The following AOX1 variants were observed in gnomAD, a reference collection of about 807,000 sequenced individuals.
AOX1 encodes aldehyde oxidase 1.
In AOX1, 153 loss-of-function variants were observed where a neutral mutation model predicts 169.5. The observed-to-expected ratio is 0.90, with a 90% CI of 0.79 to 1.03. AOX1 has a LOEUF of 1.03. AOX1 is among the 50% of genes least tolerant of loss of function. The probability of loss-of-function intolerance (pLI) is 0.00; values close to 1 mark genes in which losing one functional copy is unlikely to be tolerated. For synonymous variants in AOX1, 562 were observed against 581.9 expected, an observed-to-expected ratio of 0.97 and a Z score of 0.49; for missense variants, 1,656 against 1,663.9, an observed-to-expected ratio of 1.00 and a Z score of 0.08.
chr2:200,673,740 C>G (rs2036058721), downstream of AOX1, among the ~76,000 whole-genome samples: 1 of 152,176 alleles, frequency 6.6e-6, no homozygotes. Context: ...AGAACATGTC[C>G]CAAATCCCTA....
chr2:200,612,019 C>T (rs528931767), intron 13 of AOX1, among the ~76,000 whole-genome samples: 1 of 152,202 alleles, frequency 6.6e-6, no homozygotes, highest in East Asian at 1.9e-4. Flanking sequence ...CTCTGCCATT[C>T]TCGCTCTTTC....
chr2:200,653,434 A>T (rs2035620056), intron 26 of AOX1, among the ~76,000 whole-genome samples: 1 of 152,190 alleles, frequency 6.6e-6, no homozygotes, highest in Non-Finnish European at 1.5e-5. Context: ...GGAATTTGTA[A>T]TCTCCACTTG....
rs1233018324 is a variant in AOX1, at chr2:200,662,907, T to C, written c.3481T>C (p.Tyr1161His). The C allele has an allele frequency of 6.2e-7, 1 of 1,613,966 alleles. No individual in the cohort carries two copies. Among genetic ancestry groups the C allele is most frequent in the Non-Finnish European group, 8.5e-7 (1 of 1,179,960 alleles). ...WEKGEGQPFE[Y>H]FVYGAACSEV... is the part of the protein sequence containing the mutation. The stretch of plus-strand genomic sequence containing the variant: ...GAAAGGCGAAGGCCAGCCCTTCGAA[T>C]ACTTTGTTTATGGAGCTGCCTGTTC... The change falls in exon 31 of 35, where the codon TAC becomes CAC. Residue 1161 changes from tyrosine to histidine, a missense_variant. Coordinates refer to ENST00000374700, the MANE Select transcript of AOX1 (RefSeq NM_001159.4).
At chr2:200,667,235 A>G (rs1318559805) in intron 32 of AOX1, among the ~76,000 whole-genome samples, 1 of 152,212 alleles carries the variant, frequency 6.6e-6, no homozygotes, top group Non-Finnish European at 1.5e-5. Context: ...GGAAAGTCAT[A>G]AATATCTAGT....
intron 9 of AOX1, among the ~76,000 whole-genome samples, 157 bp downstream of exon 9, chr2:200,604,997 C>G (rs770623345): frequency 1.3e-4 from 20 of 152,196 alleles, no homozygotes; most frequent in Non-Finnish European, 2.5e-4. Context: ...CTGAGCATTG[C>G]TCAAGAGACT....
chr2:200,667,886 A>G (rs187383492), intron 32 of AOX1, among the ~76,000 whole-genome samples: 424 of 152,194 alleles, frequency 2.8e-3, no homozygotes, highest in Middle Eastern at 0.02. Context: ...GTGGGATGAG[A>G]CAATGGGATT....
At chr2:200,649,754 C>T (rs2035542576) in intron 25 of AOX1, among the ~76,000 whole-genome samples, 1 of 152,178 alleles carries the variant, frequency 6.6e-6, no homozygotes, top group African/African-American at 2.4e-5. Flanking sequence ...AGCTCTCTCT[C>T]AGCCCCTTCT....
At position 200,669,589 on chromosome 2, in the gene AOX1, G is replaced by A. The variant is rs1286620991; in HGVS notation, c.3813G>A (p.Ser1271=). 14 of 1,613,942 alleles carry A rather than the reference G, an allele frequency of 8.7e-6. No homozygotes were observed. Among genetic ancestry groups the A allele is most frequent in the Middle Eastern group, 1.7e-4 (1 of 6,060 alleles). Reference sequence around the variant, plus strand: ...TTCCTTTCAAGGGTCTGGGAGAGTCGGGGGTGTTCCTGGGGTGTTCCGTGT... The same window carrying A: ...TTCCTTTCAAGGGTCTGGGAGAGTCAGGGGTGTTCCTGGGGTGTTCCGTGT... ...TLYSSKGLGE[S]GVFLGCSVFF... The change falls in exon 34 of 35, where the codon TCG becomes TCA. Residue 1271 remains serine (S), a synonymous_variant. Coordinates refer to ENST00000374700, the MANE Select transcript of AOX1 (RefSeq NM_001159.4).
chr2:200,614,370 A>G (rs6725945), intron 15 of AOX1, among the ~76,000 whole-genome samples: 124,958 of 152,158 alleles, frequency 0.82, 51,682 homozygotes, highest in East Asian at 0.9. Context: ...TCCCTAGCCC[A>G]TAAGGTGGCC....
chr2:200,659,786 T>TCACACACACA (rs56916091), intron 28 of AOX1, among the ~76,000 whole-genome samples: 141 of 96,210 alleles, frequency 1.5e-3, no homozygotes, highest in African/African-American at 4.5e-3. Context: ...GTTCTCTCTC[T>TCACACACACA]CACACACACA....
At chr2:200,641,425 CAT>C (rs1202189289) in intron 24 of AOX1, among the ~76,000 whole-genome samples, 4 of 152,148 alleles carry the variant, frequency 2.6e-5, no homozygotes, top group African/African-American at 7.2e-5. Context: ...TAGATGCACA[CAT>C]GAGACCAAGC....
At chr2:200,674,438 G>GA (rs2036069329), downstream of AOX1, among the ~76,000 whole-genome samples, 1 of 151,844 alleles carries the variant, frequency 6.6e-6, no homozygotes, top group South Asian at 2.1e-4. Context: ...GGTGGGGGGG[G>GA]TGATATTACA....
intron 8 of AOX1, 69 bp downstream of exon 8, chr2:200,604,166 A>G (rs2034469420): frequency 8.3e-7 from 1 of 1,208,428 alleles, no homozygotes; most frequent in Non-Finnish European, 1.2e-6. Context: ...GTATTTGTTT[A>G]TGGGTTCTCT....
At chr2:200,590,539 C>T (rs1047265562) in intron 1 of AOX1, among the ~76,000 whole-genome samples, 3 of 152,180 alleles carry the variant, frequency 2.0e-5, no homozygotes, top group South Asian at 2.1e-4. Flanking sequence ...CCCACTTCCT[C>T]CAAATACAAC....
At chr2:200,647,651 G>A (rs1229895817) in intron 25 of AOX1, among the ~76,000 whole-genome samples, 1 of 152,186 alleles carries the variant, frequency 6.6e-6, no homozygotes, top group Non-Finnish European at 1.5e-5. Context: ...GGCTGGGGAA[G>A]TTTTCCTTGA....
chr2:200,661,413 G>A (rs555685408), intron 29 of AOX1, among the ~76,000 whole-genome samples, 166 bp from the exon 30 acceptor site: 115 of 152,326 alleles, frequency 7.5e-4, no homozygotes, highest in Middle Eastern at 6.8e-3. Flanking sequence ...GCTACAAGCC[G>A]TGAACCACAG....
At chr2:200,676,696 C>T (rs528399565) in intron 4 of AOX1, among the ~76,000 whole-genome samples, 1 of 151,594 alleles carries the variant, frequency 6.6e-6, no homozygotes, top group Non-Finnish European at 1.5e-5. Flanking sequence ...TATGTAAGGG[C>T]TGAATTGCCA....
intron 13 of AOX1, among the ~76,000 whole-genome samples, chr2:200,611,755 A>AGT (rs1231477847): frequency 6.7e-6 from 1 of 148,520 alleles, no homozygotes; most frequent in African/African-American, 2.5e-5. Flanking sequence ...CCCACACTGG[A>AGT]GTGCAGTGGC....
Position 200,597,451 on chromosome 2 carries a change from CG to C in AOX1, c.256del (p.Val86SerfsTer4). On this transcript the variant is annotated frameshift_variant, in exon 4 of 35. Transcript: ENST00000374700. LOFTEE classifies it high-confidence loss of function. ...IPICSLYGAA[V>X]TTVEGIGSTH... is the part of the protein sequence containing the mutation. Reference sequence around the variant, plus strand: ...CCATCTGTTCTCTGTATGGTGCTGCCGTCACCACAGTAGAAGGCATAGGAAG... The same window carrying C: ...CCATCTGTTCTCTGTATGGTGCTGCCTCACCACAGTAGAAGGCATAGGAAG... 1 of 1,612,694 alleles carries C rather than the reference CG, an allele frequency of 6.2e-7. No individual in the cohort carries two copies.
Sources: allele counts gnomAD v4.1 joint callset (sites outside exome capture counted in the v4.1 genomes callset), GRCh38; gene constraint gnomAD v4.1.1; transcripts MANE v1.5; gene names NCBI Gene and HGNC (gene_info 2026-07-23, HGNC 2026-07-21).